The following ARL15 variants were observed in gnomAD, a reference collection of about 807,000 sequenced individuals.
The protein encoded by ARL15 is ARF like GTPase 15.
Under a neutral mutation model 25.2 loss-of-function variants are expected in ARL15, and 19 were observed. The ratio of observed to expected loss-of-function variants is 0.75; its 90% confidence interval spans 0.53 to 1.10. The LOEUF is 1.10. Ranked by LOEUF, ARL15 falls within the 50% of genes least tolerant of loss-of-function variation. The probability of loss-of-function intolerance (pLI) is 0.00; values close to 1 mark genes in which losing one functional copy is unlikely to be tolerated. For missense variants in ARL15, 220 were observed against 246.0 expected (o/e 0.89, Z 0.71); for synonymous variants, 94 against 86.8 (o/e 1.08, Z -0.46).
Position 54,091,414 on chromosome 5 carries a change from C to T in ARL15, c.462+21788G>A, listed in dbSNP as rs1203713965. 2.6e-5 allele frequency among the ~76,000 whole-genome samples: 4 copies of T among 152,040 alleles called. No homozygotes were observed. In the East Asian group the frequency reaches 5.8e-4, roughly 22 times the overall value. ...GGAGAATGTTACTCAAACATAAGGT[C>T]GGTAAAGAAATTTTAGCTTAGAAGT... On this transcript the variant is annotated intron_variant, in intron 4 of 4. Coordinates refer to ENST00000504924, the MANE Select transcript of ARL15 (RefSeq NM_019087.3).
chr5:54,111,679 A>T (rs1246218147), intron 4 of ARL15, among the ~76,000 whole-genome samples: 1 of 152,150 alleles, frequency 6.6e-6, no homozygotes, highest in Non-Finnish European at 1.5e-5. Context: ...ATCAATGTGT[A>T]TATGTATTAT....
intron 2 of ARL15, among the ~76,000 whole-genome samples, chr5:54,162,491 G>A (rs1754434979): frequency 1.3e-5 from 2 of 152,060 alleles, no homozygotes; most frequent in South Asian, 4.1e-4. Flanking sequence ...CACAAACTTT[G>A]CTTCCTTCTA....
intron 1 of ARL15, among the ~76,000 whole-genome samples, chr5:54,284,191 T>C (rs1758130763): frequency 6.6e-6 from 1 of 152,120 alleles, no homozygotes; most frequent in Non-Finnish European, 1.5e-5. Flanking sequence ...GTATCCTCAA[T>C]ATCCTGGGCT....
At chr5:54,080,620 G>C (rs948751813) in intron 4 of ARL15, among the ~76,000 whole-genome samples, 1 of 152,016 alleles carries the variant, frequency 6.6e-6, no homozygotes, top group Non-Finnish European at 1.5e-5. Flanking sequence ...CCAACTATTT[G>C]AGCGTTAATA....
intron 4 of ARL15, among the ~76,000 whole-genome samples, chr5:54,057,999 TA>T (rs1368216458): frequency 1.0e-4 from 15 of 142,930 alleles, no homozygotes; most frequent in African/African-American, 3.9e-4. Flanking sequence ...TTTATTTATT[TA>T]TTTATTTATT....
At chr5:54,242,479 T>C (rs545328311) in intron 1 of ARL15, among the ~76,000 whole-genome samples, 1 of 152,270 alleles carries the variant, frequency 6.6e-6, no homozygotes, top group African/African-American at 2.4e-5. Flanking sequence ...TACACCCTCC[T>C]GGTCACAGGG....
At chr5:54,087,160 C>A (rs1484253298) in intron 4 of ARL15, among the ~76,000 whole-genome samples, 1 of 152,022 alleles carries the variant, frequency 6.6e-6, no homozygotes, top group Non-Finnish European at 1.5e-5. Context: ...CACAGTGAAA[C>A]CCCGTCGCTA....
chr5:54,091,562 T>C (rs1025778350), intron 4 of ARL15, among the ~76,000 whole-genome samples: 2 of 152,102 alleles, frequency 1.3e-5, no homozygotes, highest in African/African-American at 4.8e-5. Flanking sequence ...CTGCAGAGCA[T>C]CTGTTCCAGC....
At chr5:54,020,337 C>G (rs901324239) in intron 4 of ARL15, among the ~76,000 whole-genome samples, 1 of 152,118 alleles carries the variant, frequency 6.6e-6, no homozygotes, top group African/African-American at 2.4e-5. Flanking sequence ...TCAGTAGAGA[C>G]TGTACTCAGA....
intron 1 of ARL15, among the ~76,000 whole-genome samples, chr5:54,223,570 T>C (rs992018900): frequency 1.3e-5 from 2 of 152,216 alleles, no homozygotes; most frequent in Non-Finnish European, 2.9e-5. Context: ...AGATAGATTA[T>C]TGGGGCTTTC....
intron 4 of ARL15, among the ~76,000 whole-genome samples, chr5:53,988,957 G>T (rs1424904262): frequency 6.6e-6 from 1 of 152,184 alleles, no homozygotes; most frequent in Non-Finnish European, 1.5e-5. Context: ...TGAACACCAG[G>T]TGACCTTGGG....
At chr5:54,171,597 G>C (rs1754719549) in intron 2 of ARL15, among the ~76,000 whole-genome samples, 187 bp downstream of exon 2, 1 of 152,116 alleles carries the variant, frequency 6.6e-6, no homozygotes, top group Admixed American at 6.5e-5. Flanking sequence ...GAGGGATATA[G>C]GATACAGCAA....
intron 1 of ARL15, among the ~76,000 whole-genome samples, chr5:54,260,128 T>C (rs1014397578): frequency 1.3e-5 from 2 of 152,272 alleles, no homozygotes; most frequent in South Asian, 2.1e-4. Flanking sequence ...CCCTTGGCCA[T>C]CCTAGCGTGA....
At position 54,136,696 on chromosome 5, in the gene ARL15, CA is replaced by C. The variant is rs1753615732; in HGVS notation, c.253+17883del. On this transcript the variant is annotated intron_variant, in intron 3 of 4. Coordinates refer to ENST00000504924, the MANE Select transcript of ARL15 (RefSeq NM_019087.3). ...AACTGTATTGGAATTAAATGTTAAACAAAACTCACAGCCTGCTCTTAAACAA... is the reference window on the plus strand; with the variant it reads ...AACTGTATTGGAATTAAATGTTAAACAAACTCACAGCCTGCTCTTAAACAA... Among the ~76,000 whole-genome samples the C allele has an allele frequency of 3.9e-5, 6 of 152,216 alleles. 1 individual carries two copies. In the Middle Eastern group the frequency reaches 0.014, roughly 345 times the overall value.
chr5:53,959,485 C>T (rs1747290385), intron 4 of ARL15, among the ~76,000 whole-genome samples: 3 of 151,978 alleles, frequency 2.0e-5, no homozygotes, highest in South Asian at 4.2e-4. Flanking sequence ...TATTAAGAAA[C>T]GAAGAGCCTA....
chr5:54,065,280 A>T (rs10068586), intron 4 of ARL15, among the ~76,000 whole-genome samples: 12,234 of 152,286 alleles, frequency 0.08, 609 homozygotes, highest in African/African-American at 0.13. Context: ...TTAATCTGGC[A>T]TCTTTCACAT....
chr5:54,064,439 G>A lies in ARL15; in HGVS notation c.462+48763C>T, dbSNP rs146335565. ...AAGAGGAAATGTGACCATCAATTGG[G>A]AATAATAGGTCCTGAGGCTAACCAC... On this transcript the variant is annotated intron_variant, in intron 4 of 4. Coordinates refer to ENST00000504924, the MANE Select transcript of ARL15 (RefSeq NM_019087.3). 2.5e-3 allele frequency among the ~76,000 whole-genome samples: 381 copies of A among 152,304 alleles called. 1 individual carries two copies. The highest frequency in any genetic ancestry group is 8.9e-3 in the African/African-American group (368 of 41,560).
chr5:53,951,787 C>T (rs788518), intron 4 of ARL15, among the ~76,000 whole-genome samples: 1 of 148,628 alleles, frequency 6.7e-6, no homozygotes, highest in Non-Finnish European at 1.5e-5. Context: ...TAACCAGTTT[C>T]TTCCTTACCA....
intron 4 of ARL15, among the ~76,000 whole-genome samples, chr5:54,051,318 A>G (rs1387012939): frequency 6.6e-6 from 1 of 152,336 alleles, no homozygotes; most frequent in East Asian, 1.9e-4. Context: ...CGCAAGACTA[A>G]TAAGTACCAA....
Sources: gnomAD v4.1 joint callset for allele counts (sites outside exome capture counted in the v4.1 genomes callset) on GRCh38, gnomAD v4.1.1 for gene constraint, MANE v1.5 for transcripts, NCBI Gene and HGNC (gene_info 2026-07-23, HGNC 2026-07-21) for gene names.